The following SEC14L6 variants were observed in gnomAD, a reference collection of about 807,000 sequenced individuals.
The protein encoded by SEC14L6 is SEC14-like protein 6.
In SEC14L6, 40 loss-of-function variants were observed where a neutral mutation model predicts 54.1. That is an observed-to-expected ratio of 0.74 (90% CI 0.57 to 0.96). The LOEUF (loss-of-function observed/expected upper bound fraction) is 0.96. Among genes scored for constraint, SEC14L6 ranks in the 40% least tolerant of loss-of-function variants. The pLI, the probability that SEC14L6 is intolerant of heterozygous loss-of-function variation, is 0.00. For synonymous variants in SEC14L6, 171 were observed against 198.4 expected (o/e 0.86, Z 1.16); for missense variants, 471 against 498.3 (o/e 0.95, Z 0.52).
Position 30,525,897 on chromosome 22 carries a change from G to A in SEC14L6, c.700C>T (p.Pro234Ser), listed in dbSNP as rs1601875500. 1 of 1,613,030 alleles carries A rather than the reference G, an allele frequency of 6.2e-7. No individual in the cohort carries two copies. The highest frequency in any genetic ancestry group is 1.3e-5 in the African/African-American group (1 of 74,992). Residue 234 changes from proline (P) to serine (S), a missense_variant, in exon 9 of 12, where the codon CCC becomes TCC. By Grantham distance (74) the Pro-to-Ser change is moderately conservative. Transcript: ENST00000402034. ...WKQELTKFIS[P>S]DQLPVEFGGT... The stretch of plus-strand genomic sequence containing the variant: ...CCAAACTCCACGGGCAGCTGGTCGG[G>A]GCTGATGAATTTTGTCAGCTCCTGC...
intron 1 of SEC14L6, among the ~76,000 whole-genome samples, chr22:30,542,176 T>C (rs2085730218): frequency 6.6e-6 from 1 of 151,990 alleles, no homozygotes; most frequent in Non-Finnish European, 1.5e-5. Context: ...ACTCCAGCTT[T>C]TCCTTCACCT....
chr22:30,542,993 T>G lies in SEC14L6; in HGVS notation c.54+3636A>C, dbSNP rs555621314. ...TTGAAGTCTGGAGCAGGCACTGAGC[T>G]GTCTGTGCGTGCCAAACCCTCTGCC... is the stretch of plus-strand genomic sequence containing the variant. On this transcript the variant is annotated intron_variant, in intron 1 of 11. Coordinates refer to ENST00000402034, the MANE Select transcript of SEC14L6 (RefSeq NM_001193336.4). 8.7e-5 allele frequency: 140 copies of G among 1,601,958 alleles called. No individual in the cohort carries two copies. In the African/African-American group the frequency reaches 1.7e-3, roughly 20 times the overall value.
chr22:30,525,072 AT>A lies in SEC14L6; in HGVS notation c.1118del (p.His373LeufsTer27). The A allele has an allele frequency of 1.3e-6, 2 of 1,550,018 alleles. No homozygotes were observed. The highest frequency in any genetic ancestry group is 1.7e-6 in the Non-Finnish European group (2 of 1,146,468). ...LRFYNTYSLV[H>X]SKRISYTVEV... is the part of the protein sequence containing the mutation. Reference sequence around the variant, plus strand: ...CCACGGTGTAGCTGATGCGTTTAGAATGAACCAGGCTGTAGGTGTTGTAAAA... The same window carrying A: ...CCACGGTGTAGCTGATGCGTTTAGAAGAACCAGGCTGTAGGTGTTGTAAAA... On this transcript the variant is annotated frameshift_variant, in exon 12 of 12. Transcript: ENST00000402034. LOFTEE classifies it high-confidence loss of function.
intron 2 of SEC14L6, among the ~76,000 whole-genome samples, chr22:30,537,888 G>A (rs753527394): frequency 7.9e-5 from 12 of 152,174 alleles, no homozygotes; most frequent in Non-Finnish European, 1.8e-4. Context: ...ACTCATCGGA[G>A]CACTTATTCT....
rs781053152 is a variant in SEC14L6, at chr22:30,525,853, G to A, written c.744C>T (p.Pro248=). The change falls in exon 9 of 12, where the codon CCC becomes CCT. Residue 248 remains proline, a synonymous_variant. Coordinates refer to ENST00000402034, the MANE Select transcript of SEC14L6 (RefSeq NM_001193336.4). Reference sequence around the variant, plus strand: ...TGGTCAGGCACTTGGGGTTGCCATCGGGGTCAGTCATGGTCCCCCCAAACT... The same window carrying A: ...TGGTCAGGCACTTGGGGTTGCCATCAGGGTCAGTCATGGTCCCCCCAAACT... ...PVEFGGTMTD[P]DGNPKCLTKI... The A allele has an allele frequency of 2.2e-5, 36 of 1,613,536 alleles. No individual in the cohort carries two copies. The highest frequency in any genetic ancestry group is 1.7e-4 in the African/African-American group (13 of 74,908).
chr22:30,541,857 C>G (rs2085720940), intron 1 of SEC14L6, among the ~76,000 whole-genome samples: 1 of 152,168 alleles, frequency 6.6e-6, no homozygotes, highest in African/African-American at 2.4e-5. Context: ...AATAAATTTC[C>G]TGTTCACTCT....
intron 2 of SEC14L6, 40 bp downstream of exon 2, chr22:30,538,787 A>G (rs2146288214): frequency 7.3e-7 from 1 of 1,377,372 alleles, no homozygotes; most frequent in Non-Finnish European, 1.0e-6. Flanking sequence ...CTCCTCTTTC[A>G]TGCCATTGAC....
At chr22:30,541,782 A>G (rs891979694) in intron 1 of SEC14L6, among the ~76,000 whole-genome samples, 15 of 152,218 alleles carry the variant, frequency 9.9e-5, no homozygotes, top group Non-Finnish European at 1.6e-4. Context: ...GCAGTCAGCC[A>G]TGTTCTCACC....
In SEC14L6 at chr22:30,525,634, G is replaced by A. The variant is rs773089590; in HGVS notation, c.888C>T (p.Ile296=). The change falls in exon 10 of 12, where the codon ATC becomes ATT. Residue 296 remains isoleucine (I), a synonymous_variant. Transcript: ENST00000402034. ...ACCTGAGCACACAGCCCGGGAACAG[G>A]ATCTCGTTCTCCACCTGCAGGGAGG... is the stretch of plus-strand genomic sequence containing the variant. ...RGSSLQVENE[I]LFPGCVLRWQ... 2 of 1,608,998 alleles carry A rather than the reference G, an allele frequency of 1.2e-6. No individual in the cohort carries two copies. The highest frequency in any genetic ancestry group is 1.3e-5 in the African/African-American group (1 of 74,858).
In SEC14L6 at chr22:30,534,000, C is replaced by G; in HGVS notation, c.170G>C (p.Arg57Thr). 6.4e-7 allele frequency: 1 copy of G among 1,550,768 alleles called. No homozygotes were observed. The highest frequency in any genetic ancestry group is 8.7e-7 in the Non-Finnish European group (1 of 1,146,998). Residue 57 changes from arginine to threonine, a missense_variant, in exon 3 of 12, where the codon AGG becomes ACG. Transcript: ENST00000402034. The stretch of plus-strand genomic sequence containing the variant: ...AGGGGGAGGTGTCAACCTCACCTTC[C>G]TCAGCATGTCCTCTGATTTCTGCAG... ...FDLQKSEDML[R>T]KHMEFRKQQD...
intron 2 of SEC14L6, among the ~76,000 whole-genome samples, chr22:30,535,988 G>A (rs1446208515): frequency 6.6e-6 from 1 of 150,620 alleles, no homozygotes; most frequent in African/African-American, 2.4e-5. Flanking sequence ...AGCCTCCTGA[G>A]TGGCTGGAAC....
chr22:30,528,032 A>G (rs1161829528), intron 8 of SEC14L6, among the ~76,000 whole-genome samples: 3 of 151,890 alleles, frequency 2.0e-5, no homozygotes, highest in Non-Finnish European at 1.5e-5. Context: ...TCGCTGGGTG[A>G]CAGGATATTC....
chr22:30,537,689 T>C (rs115993504), intron 2 of SEC14L6, among the ~76,000 whole-genome samples: 219 of 152,330 alleles, frequency 1.4e-3, no homozygotes, highest in African/African-American at 5.1e-3. Flanking sequence ...TCTCTGTTTT[T>C]AGCCTTACAG....
chr22:30,532,776 A>G, intron 4 of SEC14L6, 21 bp downstream of exon 4: 1 of 1,610,242 alleles, frequency 6.2e-7, no homozygotes, highest in East Asian at 2.2e-5. Context: ...GGATCAGGGT[A>G]TGGGTTTGAG....
Position 30,541,658 on chromosome 22 carries a change from A to G in SEC14L6, c.55-2756T>C, listed in dbSNP as rs548164479. Among the ~76,000 whole-genome samples, 3 of 150,906 alleles carry G rather than the reference A, an allele frequency of 2.0e-5. No individual in the cohort carries two copies. In the East Asian group the frequency reaches 5.8e-4, roughly 29 times the overall value. ...GGGTGACAGAGCCAGACTCCATCTC[A>G]AAAAAGAAAAAAAAAAAAGTTAAAA... On this transcript the variant is annotated intron_variant, in intron 1 of 11. Transcript: ENST00000402034.
intron 1 of SEC14L6, among the ~76,000 whole-genome samples, chr22:30,541,185 A>G (rs970271089): frequency 7.8e-6 from 1 of 128,596 alleles, no homozygotes; most frequent in Non-Finnish European, 1.6e-5. Flanking sequence ...TTCAAGAAAC[A>G]CAACTTTTAA....
Position 30,525,766 on chromosome 22 carries a change from G to T in SEC14L6, c.772-16C>A, listed in dbSNP as rs757157037. On this transcript the variant is annotated splice_polypyrimidine_tract_variant and intron_variant, in intron 9 of 11. Transcript: ENST00000402034. ...CGTAGTTGATCTGTGGGTGAAGGGGGTGTGTGGGCACTAGGTCACAGCTTC... is the reference window on the plus strand; with the variant it reads ...CGTAGTTGATCTGTGGGTGAAGGGGTTGTGTGGGCACTAGGTCACAGCTTC... 1 of 1,613,734 alleles carries T rather than the reference G, an allele frequency of 6.2e-7. No homozygotes were observed. Among genetic ancestry groups the T allele is most frequent in the Non-Finnish European group, 8.5e-7 (1 of 1,179,824 alleles).
At chr22:30,530,375 G>T (rs1434121197) in intron 6 of SEC14L6, among the ~76,000 whole-genome samples, 1 of 152,062 alleles carries the variant, frequency 6.6e-6, no homozygotes, top group East Asian at 1.9e-4. Flanking sequence ...CTCTAGCCTG[G>T]GCAACAGAGT....
rs1370700798 is a variant in SEC14L6 at position 30,543,169 on chromosome 22, G to A, written c.54+3460C>T. Reference sequence around the variant, plus strand: ...AGACTTCCAGACCAACGTGGACCCCGCAAGAGAGAGCGTGTCCTACAGCAT... The same window carrying A: ...AGACTTCCAGACCAACGTGGACCCCACAAGAGAGAGCGTGTCCTACAGCAT... On this transcript the variant is annotated intron_variant, in intron 1 of 11. Transcript: ENST00000402034. The A allele has an allele frequency of 2.5e-6, 4 of 1,603,556 alleles. No homozygotes were observed. The African/African-American group carries it at 4.0e-5, about 16-fold the overall frequency.
Sources: allele counts gnomAD v4.1 joint callset (sites outside exome capture counted in the v4.1 genomes callset), GRCh38; gene constraint gnomAD v4.1.1; transcripts MANE v1.5; gene names NCBI Gene and HGNC (gene_info 2026-07-23, HGNC 2026-07-21).